The following FUT8 variants were observed in gnomAD, a reference collection of about 807,000 sequenced individuals.
FUT8 encodes the protein alpha-(1,6)-fucosyltransferase.
In FUT8, 29 loss-of-function variants were observed where a neutral mutation model predicts 71.3. The ratio of observed to expected loss-of-function variants is 0.41; its 90% confidence interval spans 0.30 to 0.55. FUT8 has a LOEUF of 0.55. Among genes scored for constraint, FUT8 ranks in the 20% least tolerant of loss-of-function variants. The pLI, the probability that FUT8 is intolerant of heterozygous loss-of-function variation, is 0.34. For synonymous variants in FUT8, 254 were observed against 239.3 expected (o/e 1.06, Z -0.57); for missense variants, 544 against 702.1 (o/e 0.77, Z 2.55).
At chr14:65,459,022 C>G (rs1424574262) in intron 2 of FUT8, among the ~76,000 whole-genome samples, 1 of 152,138 alleles carries the variant, frequency 6.6e-6, no homozygotes, top group African/African-American at 2.4e-5. Context: ...CTTCTTGGCT[C>G]AAGCGGTCTG....
chr14:65,605,323 G>A (rs912483357), intron 3 of FUT8, among the ~76,000 whole-genome samples: 1 of 151,724 alleles, frequency 6.6e-6, no homozygotes, highest in Non-Finnish European at 1.5e-5. Context: ...TGTATGTTAC[G>A]GGCTTAATTG....
the FUT8 span, among the ~76,000 whole-genome samples, chr14:65,397,466 G>A: frequency 6.6e-6 from 1 of 152,202 alleles, no homozygotes; most frequent in Admixed American, 6.5e-5. The surrounding 1 kb of genome is among the most constrained non-coding windows in gnomAD (Gnocchi z 4.2). Flanking sequence ...ACAACCAGGG[G>A]CCACTGTCTG....
intron 3 of FUT8, among the ~76,000 whole-genome samples, chr14:65,568,898 C>T (rs1403276359): frequency 2.0e-5 from 3 of 151,702 alleles, no homozygotes; most frequent in African/African-American, 7.3e-5. Context: ...TCATGTTCTT[C>T]AGCCTTAATA....
At chr14:65,666,001 G>A (rs1892193069) in intron 6 of FUT8, among the ~76,000 whole-genome samples, 1 of 151,648 alleles carries the variant, frequency 6.6e-6, no homozygotes, top group Non-Finnish European at 1.5e-5. Flanking sequence ...AAACCTGAGT[G>A]ACTAAATAAA....
chr14:65,633,773 C>T (rs572228953), intron 6 of FUT8, among the ~76,000 whole-genome samples: 1,572 of 151,768 alleles, frequency 0.01, 30 homozygotes, highest in African/African-American at 0.036. Context: ...GTGAGGAGCC[C>T]CTCCGCCCGG....
chr14:65,366,308 A>C, the FUT8 span, among the ~76,000 whole-genome samples: 1 of 152,232 alleles, frequency 6.6e-6, no homozygotes, highest in Non-Finnish European at 1.5e-5. Flanking sequence ...AGTTGCTACT[A>C]TAGACTGAGT....
At chr14:65,374,019 C>T in the FUT8 span, among the ~76,000 whole-genome samples, 1 of 152,216 alleles carries the variant, frequency 6.6e-6, no homozygotes, top group East Asian at 1.9e-4. Flanking sequence ...TTCAGGCCTG[C>T]CCAGCACTCC....
intron 7 of FUT8, among the ~76,000 whole-genome samples, chr14:65,679,681 TTTCCTAGGGCAGTGC>T (rs1316997545): frequency 6.6e-6 from 1 of 152,190 alleles, no homozygotes; most frequent in Non-Finnish European, 1.5e-5. Flanking sequence ...ATATATTAAT[TTTCCTAGGGCAGTGC>T]TTACAAACTG....
chr14:65,608,037 C>T (rs991956203), intron 3 of FUT8, among the ~76,000 whole-genome samples: 3 of 143,696 alleles, frequency 2.1e-5, no homozygotes, highest in Non-Finnish European at 4.5e-5. Flanking sequence ...TGCACTCCAG[C>T]CTGGCAACAA....
chr14:65,610,419 C>G lies in FUT8; in HGVS notation c.204-5559C>G, dbSNP rs374129526. On this transcript the variant is annotated intron_variant, in intron 3 of 10. Coordinates refer to ENST00000673929, the MANE Select transcript of FUT8 (RefSeq NM_001371533.1). ...TTTTTTTTTTTTTGAAACAAAGTTT[C>G]GCTCTTGTTGCCCTGGCTGGAGTGC... Among the ~76,000 whole-genome samples, 7 of 141,090 alleles carry G rather than the reference C, an allele frequency of 5.0e-5. No homozygotes were observed. The South Asian group carries it at 8.9e-4, about 18-fold the overall frequency. 92.6% of individuals were successfully genotyped at this position (141,090 alleles called of 152,430 possible). A position where few individuals can be genotyped will look rare whatever the true frequency, so the allele number is the denominator to read the frequency against.
chr14:65,617,478 A>G (rs1000160063), intron 5 of FUT8, among the ~76,000 whole-genome samples: 4 of 152,156 alleles, frequency 2.6e-5, no homozygotes, highest in African/African-American at 9.7e-5. Context: ...TCTACCCTAA[A>G]GCTGATTCTA....
intron 9 of FUT8, among the ~76,000 whole-genome samples, chr14:65,731,669 T>A (rs77464567): frequency 0.084 from 12,746 of 152,086 alleles, 848 homozygotes; most frequent in African/African-American, 0.18. Context: ...TACCTTTTTT[T>A]AAAAAAATAA....
chr14:65,701,019 A>C (rs557963036), intron 7 of FUT8, among the ~76,000 whole-genome samples: 18 of 152,298 alleles, frequency 1.2e-4, no homozygotes, highest in African/African-American at 4.3e-4. Context: ...GTCCCCTCTA[A>C]AAGTTCTTTC....
At chr14:65,370,201 CTTTTTT>C in the FUT8 span, among the ~76,000 whole-genome samples, 1 of 58,442 alleles carries the variant, frequency 1.7e-5, no homozygotes, top group Non-Finnish European at 3.0e-5. Context: ...CACACATAGT[CTTTTTT>C]TTTTTTTTTT....
intron 5 of FUT8, among the ~76,000 whole-genome samples, chr14:65,620,637 C>T (rs1279922465): frequency 3.3e-5 from 5 of 151,990 alleles, no homozygotes; most frequent in African/African-American, 4.8e-5. Flanking sequence ...AACCTTCAAA[C>T]CTTCTATTCT....
At chr14:65,659,725 C>G (rs969791603) in intron 6 of FUT8, among the ~76,000 whole-genome samples, 3 of 151,970 alleles carry the variant, frequency 2.0e-5, no homozygotes, top group Non-Finnish European at 4.4e-5. Flanking sequence ...CTTTCTTCCC[C>G]TCTGTTCTCC....
At chr14:65,596,181 T>G in intron 3 of FUT8, among the ~76,000 whole-genome samples, 1 of 152,206 alleles carries the variant, frequency 6.6e-6, no homozygotes, top group East Asian at 1.9e-4. Context: ...GGAATGATTA[T>G]TTTAACTGGG....
chr14:65,515,280 C>T (rs900898192), intron 2 of FUT8, among the ~76,000 whole-genome samples: 5 of 151,942 alleles, frequency 3.3e-5, no homozygotes, highest in African/African-American at 1.2e-4. Context: ...AAGTAAGTCT[C>T]TAGAATGTTT....
At position 65,413,668 on chromosome 14, in the gene FUT8, G is replaced by C. The variant is rs1164631225; in HGVS notation, c.-326+454G>C. Among the ~76,000 whole-genome samples the C allele has an allele frequency of 6.6e-6, 1 of 152,176 alleles. No homozygotes were observed. Among genetic ancestry groups the C allele is most frequent in the African/African-American group, 2.4e-5 (1 of 41,444 alleles). On this transcript the variant is annotated intron_variant, in intron 1 of 10. Transcript: ENST00000673929. The surrounding 1 kb of genome is among the most constrained non-coding windows in gnomAD (Gnocchi z 4.1). The stretch of plus-strand genomic sequence containing the variant: ...TGCCCGTGCGTTATGGGCTCTTTCT[G>C]AGTGCTGCTCGGGCTAGAAAGCAGG...
Sources: gnomAD v4.1 joint callset for allele counts (sites outside exome capture counted in the v4.1 genomes callset) on GRCh38, gnomAD v4.1.1 for gene constraint, Gnocchi (gnomAD v3.1) non-coding constraint, MANE v1.5 for transcripts, NCBI Gene and HGNC (gene_info 2026-07-23, HGNC 2026-07-21) for gene names.